SLC30A8: variants seen among roughly 807,000 people sequenced by gnomAD.
SLC30A8 encodes solute carrier family 30 member 8.
A neutral mutation model predicts 36.9 loss-of-function variants in SLC30A8; 27 were observed. The ratio of observed to expected loss-of-function variants is 0.73; its 90% CI spans 0.54 to 1.01. The LOEUF (loss-of-function observed/expected upper bound fraction) is 1.01, where lower values mean the gene tolerates loss of function less well. Among genes scored for constraint, SLC30A8 ranks in the 50% least tolerant of loss-of-function variants. The pLI, the probability that SLC30A8 is intolerant of heterozygous loss-of-function variation, is 0.00. For missense variants in SLC30A8, 439 were observed against 452.0 expected (o/e 0.97, Z 0.26); for synonymous variants, 164 against 172.4 (o/e 0.95, Z 0.38).
chr8:117,027,444 G>A (rs1816909378), intron 1 of SLC30A8, among the ~76,000 whole-genome samples: 1 of 152,082 alleles, frequency 6.6e-6, no homozygotes, highest in South Asian at 2.1e-4. Flanking sequence ...AATATGTCAG[G>A]AAAACCCAGG....
chr8:117,145,273 T>C (rs1488786123), intron 1 of SLC30A8, among the ~76,000 whole-genome samples: 2 of 152,134 alleles, frequency 1.3e-5, no homozygotes, highest in Non-Finnish European at 2.9e-5. Context: ...GTAAAAAATA[T>C]ATTCATATAT....
At chr8:117,051,933 C>T (rs62510477) in intron 2 of SLC30A8, among the ~76,000 whole-genome samples, 8,953 of 152,278 alleles carry the variant, frequency 0.059, 305 homozygotes, top group East Asian at 0.12. Context: ...GATTGTAAGC[C>T]TCCTAAGGCC....
At chr8:116,958,365 A>G (rs1298004047) in intron 1 of SLC30A8, among the ~76,000 whole-genome samples, 5 of 151,648 alleles carry the variant, frequency 3.3e-5, no homozygotes, top group African/African-American at 1.2e-4. Flanking sequence ...TAGTGCAGGT[A>G]AGCTGATAAT....
intron 2 of SLC30A8, among the ~76,000 whole-genome samples, chr8:117,093,468 T>C (rs1019146194): frequency 9.4e-4 from 143 of 152,070 alleles, no homozygotes; most frequent in African/African-American, 3.3e-3. Flanking sequence ...TCAGTGGTCC[T>C]GAGCCCCCTG....
chr8:117,042,713 A>G (rs1817422786), intron 2 of SLC30A8, among the ~76,000 whole-genome samples: 1 of 150,622 alleles, frequency 6.6e-6, no homozygotes, highest in African/African-American at 2.4e-5. Flanking sequence ...CTTTTCACCC[A>G]GGGTCAGGCT....
chr8:117,001,978 A>G (rs1404255220), intron 1 of SLC30A8, among the ~76,000 whole-genome samples: 1 of 152,214 alleles, frequency 6.6e-6, no homozygotes, highest in African/African-American at 2.4e-5. Context: ...AATAGTGCCC[A>G]TTATGCTGAG....
At position 117,160,402 on chromosome 8, in the gene SLC30A8, C is replaced by CG. The variant is rs1563635105; in HGVS notation, c.573-1336_573-1335insG. ...GACTTATTGTAATTAGAATTTTCCA[C>CG]TTGTGTGTGTGTGTGTGTGTGTGTG... On this transcript the variant is annotated intron_variant, in intron 4 of 7. Coordinates refer to ENST00000456015, the MANE Select transcript of SLC30A8 (RefSeq NM_173851.3). Among the ~76,000 whole-genome samples, 757 of 118,824 alleles carry CG rather than the reference C, an allele frequency of 6.4e-3. 6 individuals carry two copies. Among genetic ancestry groups the CG allele is most frequent in the African/African-American group, 0.025 (708 of 28,094 alleles). The allele number at this position is 118,824 out of a possible 152,430, so 78.0% of individuals were successfully genotyped here.
chr8:116,980,887 A>G (rs1169831214), intron 1 of SLC30A8, among the ~76,000 whole-genome samples: 3 of 152,216 alleles, frequency 2.0e-5, no homozygotes, highest in Non-Finnish European at 2.9e-5. Flanking sequence ...TGATGGTGCC[A>G]TAGGATTTCA....
intron 2 of SLC30A8, among the ~76,000 whole-genome samples, chr8:117,082,557 A>T (rs1345875593): frequency 1.3e-5 from 2 of 152,178 alleles, no homozygotes; most frequent in Non-Finnish European, 2.9e-5. Flanking sequence ...CAGTTGGCAG[A>T]TGTCCAGGTA....
chr8:116,984,237 T>C (rs1416837975), intron 1 of SLC30A8, among the ~76,000 whole-genome samples: 1 of 152,180 alleles, frequency 6.6e-6, no homozygotes, highest in Admixed American at 6.6e-5. Context: ...TTGTTTCTAG[T>C]TTTTGTCTAT....
intron 1 of SLC30A8, among the ~76,000 whole-genome samples, chr8:116,981,163 C>T (rs879604915): frequency 1.7e-4 from 26 of 152,110 alleles, no homozygotes; most frequent in African/African-American, 5.3e-4. Context: ...TAGCAATTTG[C>T]GGTGATGTGT....
At chr8:117,071,577 T>G (rs754779888) in intron 2 of SLC30A8, among the ~76,000 whole-genome samples, 1 of 152,186 alleles carries the variant, frequency 6.6e-6, no homozygotes, top group Non-Finnish European at 1.5e-5. Context: ...TGTCTATTTT[T>G]TCTTTTGTTG....
intron 1 of SLC30A8, among the ~76,000 whole-genome samples, chr8:116,960,050 C>T (rs1316183245): frequency 6.6e-6 from 1 of 152,224 alleles, no homozygotes; most frequent in Non-Finnish European, 1.5e-5. Flanking sequence ...AGGCAGTCAT[C>T]TGGGTCACTT....
chr8:117,140,941 G>T (rs966335200), intron 1 of SLC30A8, among the ~76,000 whole-genome samples: 3 of 151,884 alleles, frequency 2.0e-5, no homozygotes, highest in African/African-American at 7.3e-5. Context: ...TAGATGAAAT[G>T]GATAAATTCA....
chr8:117,172,550 A>G lies in SLC30A8; in HGVS notation c.979A>G (p.Ser327Gly), dbSNP rs997107604. ...AHVATAASRD[S>G]QVVRREIAKA... is the part of the protein sequence containing the mutation. ...TTTATCAACAGCAGCCAGCCGGGAC[A>G]GCCAAGTGGTTCGGAGAGAAATTGC... The change falls in exon 8 of 8, where the codon AGC becomes GGC. Residue 327 changes from serine to glycine, a missense_variant. Ser to Gly is a moderately conservative substitution (Grantham distance 56). Transcript: ENST00000456015. 18 of 1,613,584 alleles carry G rather than the reference A, an allele frequency of 1.1e-5. No individual in the cohort carries two copies. The highest frequency in any genetic ancestry group is 1.4e-5 in the Non-Finnish European group (17 of 1,179,700).
chr8:117,142,906 TGGTGCAG>T (rs1375668116), intron 1 of SLC30A8, among the ~76,000 whole-genome samples: 1 of 152,186 alleles, frequency 6.6e-6, no homozygotes, highest in African/African-American at 2.4e-5. Flanking sequence ...ACACTTCTGA[TGGTGCAG>T]GCCCTTTTTA....
intron 1 of SLC30A8, 197 bp from the exon 2 acceptor site, chr8:117,146,757 T>A (rs1821914868): frequency 7.5e-7 from 1 of 1,331,498 alleles, no homozygotes; most frequent in South Asian, 1.7e-5. Flanking sequence ...GTAAAACTTT[T>A]AGTAGTTGAA....
intron 1 of SLC30A8, among the ~76,000 whole-genome samples, chr8:116,970,316 A>G (rs1326409305): frequency 6.6e-6 from 1 of 152,218 alleles, no homozygotes; most frequent in Admixed American, 6.5e-5. Flanking sequence ...TGAAAACAAT[A>G]CTGTCTTCTG....
chr8:117,104,902 G>T (rs1346107517), intron 2 of SLC30A8, among the ~76,000 whole-genome samples: 1 of 152,108 alleles, frequency 6.6e-6, no homozygotes, highest in Non-Finnish European at 1.5e-5. Flanking sequence ...CGGCCATATA[G>T]GGTAACTTCC....
Sources: gnomAD v4.1 joint callset for allele counts (sites outside exome capture counted in the v4.1 genomes callset) on GRCh38, gnomAD v4.1.1 for gene constraint, MANE v1.5 for transcripts, NCBI Gene and HGNC (gene_info 2026-07-23, HGNC 2026-07-21) for gene names.